TNR: variants seen among roughly 807,000 people sequenced by gnomAD.
TNR encodes tenascin R.
In TNR, 45 loss-of-function variants were observed where a neutral mutation model predicts 150.4. That is an observed-to-expected ratio of 0.30 (90% CI 0.24 to 0.38). TNR has a LOEUF of 0.38. Among genes scored for constraint, TNR ranks in the 10% least tolerant of loss-of-function variants. The pLI, the probability that TNR is intolerant of heterozygous loss-of-function variation, is 1.00. For synonymous variants in TNR, 687 were observed against 678.4 expected, an observed-to-expected ratio of 1.01 and a Z score of -0.20; for missense variants, 1,544 against 1,759.1, an observed-to-expected ratio of 0.88 and a Z score of 2.19.
At chr1:175,687,659 G>A (rs940774714) in intron 1 of TNR, among the ~76,000 whole-genome samples, 5 of 151,916 alleles carry the variant, frequency 3.3e-5, no homozygotes, top group Non-Finnish European at 7.4e-5. Flanking sequence ...TCTCCCATGT[G>A]CCTTCTTTTC....
intron 9 of TNR, among the ~76,000 whole-genome samples, chr1:175,373,244 T>C (rs188380042): frequency 5.1e-4 from 77 of 152,152 alleles, no homozygotes; most frequent in Non-Finnish European, 8.7e-4. Flanking sequence ...GGCAAAATAA[T>C]TCATGAAAAC....
intron 2 of TNR, among the ~76,000 whole-genome samples, chr1:175,504,763 A>G (rs938467911): frequency 6.6e-6 from 1 of 152,206 alleles, no homozygotes; most frequent in Non-Finnish European, 1.5e-5. Context: ...CATGTGTTGG[A>G]GCCCTAGTCC....
chr1:175,648,248 C>G lies in TNR; in HGVS notation c.-165+94978G>C, dbSNP rs111465492. 2.3e-3 allele frequency among the ~76,000 whole-genome samples: 354 copies of G among 152,236 alleles called. 1 individual carries two copies. Among genetic ancestry groups the G allele is most frequent in the African/African-American group, 8.0e-3 (333 of 41,528 alleles). On this transcript the variant is annotated intron_variant, in intron 1 of 22. Coordinates refer to ENST00000367674, the MANE Select transcript of TNR (RefSeq NM_003285.3). Reference sequence around the variant, plus strand: ...CCGCAGCTATGTTTCTACCCTCAAACCTGCCAAGCTTTTTATCTATAGTAA... The same window carrying G: ...CCGCAGCTATGTTTCTACCCTCAAAGCTGCCAAGCTTTTTATCTATAGTAA...
intron 1 of TNR, among the ~76,000 whole-genome samples, chr1:175,578,818 C>T (rs140709313): frequency 1.4e-4 from 21 of 152,326 alleles, no homozygotes; most frequent in South Asian, 4.1e-4. Flanking sequence ...GTAGCTGTGA[C>T]GAAGGAGTAC....
At chr1:175,331,133 T>TCTCTC (rs1553203551) in intron 20 of TNR, among the ~76,000 whole-genome samples, 28 of 123,056 alleles carry the variant, frequency 2.3e-4, no homozygotes, top group Non-Finnish European at 3.7e-4. Context: ...TTTCTTTCTT[T>TCTCTC]TCTTTCTTTC....
intron 1 of TNR, among the ~76,000 whole-genome samples, chr1:175,658,138 T>C (rs1480356726): frequency 1.3e-5 from 2 of 151,818 alleles, no homozygotes; most frequent in Non-Finnish European, 2.9e-5. Flanking sequence ...AACCTCAAGA[T>C]GTGGAGTCAA....
At position 175,386,106 on chromosome 1, in the gene TNR, G is replaced by A. The variant is rs759604336; in HGVS notation, c.1703C>T (p.Ser568Phe). ...GGCACTGACTGACACCTCGTATCGG[G>A]AGCCAGGCCGCAGGGCCTGCACTGA... ...QYSVQALRPG[S>F]RYEVSVSAVR... Residue 568 changes from serine to phenylalanine, a missense_variant, in exon 8 of 23, where the codon TCC becomes TTC. Physicochemically the swap from Ser to Phe is radical, Grantham distance 155. This residue lies in a region of TNR where 1,254 missense variants were observed against 1,329.4 expected (regional missense o/e 0.94). Transcript: ENST00000367674. 6.2e-6 allele frequency: 10 copies of A among 1,612,708 alleles called. No homozygotes were observed. In the South Asian group the frequency reaches 6.6e-5, roughly 11 times the overall value.
At chr1:175,388,430 T>C (rs759804375) in intron 7 of TNR, among the ~76,000 whole-genome samples, 8 of 152,214 alleles carry the variant, frequency 5.3e-5, no homozygotes, top group Non-Finnish European at 1.2e-4. Context: ...ATTCACAAAA[T>C]GGCCTGCCTA....
At chr1:175,412,794 TCTCA>T (rs1000980482) in intron 2 of TNR, among the ~76,000 whole-genome samples, 2 of 152,226 alleles carry the variant, frequency 1.3e-5, no homozygotes, top group African/African-American at 4.8e-5. Flanking sequence ...GCTCCACTTT[TCTCA>T]CTTTCTCTGA....
At chr1:175,732,706 A>G (rs1029163818) in intron 1 of TNR, among the ~76,000 whole-genome samples, 1 of 152,170 alleles carries the variant, frequency 6.6e-6, no homozygotes, top group African/African-American at 2.4e-5. Flanking sequence ...AGGTACACAG[A>G]ATCCCTGGGT....
intron 1 of TNR, among the ~76,000 whole-genome samples, chr1:175,535,696 G>C (rs756063343): frequency 3.3e-4 from 49 of 150,556 alleles, no homozygotes; most frequent in Non-Finnish European, 5.2e-4. Context: ...TCTTAACTTT[G>C]GTATAATGTT....
In TNR at chr1:175,386,227, G is replaced by T. The variant is rs929965627; in HGVS notation, c.1582C>A (p.Arg528=). 22 of 1,609,374 alleles carry T rather than the reference G, an allele frequency of 1.4e-5. No homozygotes were observed. Among genetic ancestry groups the T allele is most frequent in the Non-Finnish European group, 1.9e-5 (22 of 1,176,394 alleles). The change falls in exon 8 of 23, where the codon CGA becomes AGA. Residue 528 remains arginine, a synonymous_variant. Transcript: ENST00000367674. ...AAAAGAATGAAATCGACTTTGGCTC[G>T]AGGGGGAATCCACTCCACAAAAGCC... ...TVAFVEWIPP[R]AKVDFILLKY... is the part of the protein sequence containing the mutation.
intron 2 of TNR, among the ~76,000 whole-genome samples, chr1:175,500,589 C>T (rs993753300): frequency 2.6e-5 from 4 of 152,186 alleles, no homozygotes; most frequent in South Asian, 2.1e-4. Flanking sequence ...TTTCTCTACA[C>T]GACTCAGCTA....
intron 2 of TNR, among the ~76,000 whole-genome samples, chr1:175,425,461 T>A (rs2102065507): frequency 6.6e-6 from 1 of 152,280 alleles, no homozygotes; most frequent in Middle Eastern, 3.4e-3. Flanking sequence ...ACTGATAGTG[T>A]TTTCTGAGGT....
At chr1:175,496,379 C>T (rs900931876) in intron 2 of TNR, among the ~76,000 whole-genome samples, 32 of 152,144 alleles carry the variant, frequency 2.1e-4, no homozygotes, top group African/African-American at 2.9e-4. Context: ...GGGAGCTCAG[C>T]GCACACATGG....
intron 2 of TNR, among the ~76,000 whole-genome samples, chr1:175,503,193 T>A (rs934673311): frequency 6.6e-6 from 1 of 152,108 alleles, no homozygotes; most frequent in Non-Finnish European, 1.5e-5. Context: ...CTCCCTAAGA[T>A]GAGAAGGCGC....
chr1:175,521,032 C>T (rs1242990943), intron 2 of TNR, among the ~76,000 whole-genome samples: 4 of 152,144 alleles, frequency 2.6e-5, no homozygotes, highest in African/African-American at 7.2e-5. Context: ...TTCAGACAAC[C>T]TGGCAGAACC....
At chr1:175,733,256 T>C (rs1204950840) in intron 1 of TNR, among the ~76,000 whole-genome samples, 1 of 152,198 alleles carries the variant, frequency 6.6e-6, no homozygotes, top group Non-Finnish European at 1.5e-5. Flanking sequence ...GTCACAGAGT[T>C]AGTGAATGTC....
intron 2 of TNR, among the ~76,000 whole-genome samples, chr1:175,465,345 G>A (rs956177061): frequency 8.5e-5 from 13 of 152,186 alleles, no homozygotes; most frequent in Admixed American, 7.9e-4. Context: ...TCTGGCTTAC[G>A]ATAAGTGCTC....
Sources: allele counts gnomAD v4.1 joint callset (sites outside exome capture counted in the v4.1 genomes callset), GRCh38; gene constraint gnomAD v4.1.1; regional missense constraint gnomAD v4.1.1; transcripts MANE v1.5; gene names NCBI Gene and HGNC (gene_info 2026-07-23, HGNC 2026-07-21).